Variants in VAC14 observed in about 807,000 individuals in gnomAD.
The protein encoded by VAC14 is VAC14 component of PIKFYVE complex.
A neutral mutation model predicts 85.3 loss-of-function variants in VAC14; 47 were observed. The ratio of observed to expected loss-of-function variants is 0.55; its 90% confidence interval spans 0.44 to 0.70. The LOEUF is 0.70. Among genes scored for constraint, VAC14 ranks in the 30% least tolerant of loss-of-function variants. VAC14 has a pLI of 0.00. For synonymous variants in VAC14, 447 were observed against 430.5 expected (o/e 1.04, Z -0.47); for missense variants, 861 against 1,004.3 (o/e 0.86, Z 1.93).
intron 12 of VAC14, among the ~76,000 whole-genome samples, chr16:70,748,081 A>C (rs1414481489): frequency 6.6e-6 from 1 of 152,208 alleles, no homozygotes; most frequent in African/African-American, 2.4e-5. Context: ...AGACTTGGAC[A>C]GTCACCTGCT....
At chr16:70,780,663 A>G in intron 9 of VAC14, 127 bp downstream of exon 9, 1 of 1,199,264 alleles carries the variant, frequency 8.3e-7, no homozygotes, top group Non-Finnish European at 1.2e-6. Flanking sequence ...GGTTGCTGCT[A>G]CAATTGTGTG....
intron 12 of VAC14, among the ~76,000 whole-genome samples, chr16:70,751,103 C>T (rs1207354790): frequency 2.0e-5 from 3 of 152,154 alleles, no homozygotes; most frequent in Non-Finnish European, 4.4e-5. Flanking sequence ...ACGGAGAGGC[C>T]GCCCACTTCA....
intron 10 of VAC14, 128 bp from the exon 11 acceptor site, chr16:70,763,153 G>C: frequency 8.1e-6 from 11 of 1,364,910 alleles, no homozygotes; most frequent in Non-Finnish European, 1.1e-5. Context: ...AGGGGGATCG[G>C]GGGTCAGGGA....
chr16:70,797,310 G>A (rs529374555), intron 1 of VAC14, among the ~76,000 whole-genome samples: 1 of 152,176 alleles, frequency 6.6e-6, no homozygotes, highest in African/African-American at 2.4e-5. Flanking sequence ...GACTCTTCTG[G>A]TTAGGGTTAC....
At chr16:70,755,711 ACG>A (rs1377106969) in intron 12 of VAC14, among the ~76,000 whole-genome samples, 1 of 152,106 alleles carries the variant, frequency 6.6e-6, no homozygotes, top group Non-Finnish European at 1.5e-5. Context: ...ATGACCCACC[ACG>A]GTTCCTAAAG....
chr16:70,694,141 TCTC>T (rs1315907407), intron 17 of VAC14, among the ~76,000 whole-genome samples: 2 of 152,234 alleles, frequency 1.3e-5, no homozygotes, highest in Non-Finnish European at 2.9e-5. Context: ...AGGGTGTGTC[TCTC>T]CTGTTACCCT....
intron 12 of VAC14, among the ~76,000 whole-genome samples, chr16:70,760,552 T>TCAACTGTCCC (rs11281381): frequency 0.27 from 40,458 of 151,696 alleles, 8,239 homozygotes; most frequent in African/African-American, 0.58. Flanking sequence ...ATGGTACCCC[T>TCAACTGTCCC]CAACTGTCCC....
At chr16:70,788,696 A>G (rs531429208) in intron 1 of VAC14, among the ~76,000 whole-genome samples, 155 of 152,336 alleles carry the variant, frequency 1.0e-3, no homozygotes, top group Non-Finnish European at 1.9e-3. Context: ...CAGCTGGAGC[A>G]TTGGTGGTTC....
intron 9 of VAC14, among the ~76,000 whole-genome samples, chr16:70,776,919 T>C (rs2033549636): frequency 1.3e-5 from 2 of 151,898 alleles, no homozygotes; most frequent in Admixed American, 6.6e-5. Context: ...GCAATTCTCC[T>C]GCCTCAGCCT....
At chr16:70,757,428 C>G (rs1233910365) in intron 12 of VAC14, among the ~76,000 whole-genome samples, 3 of 152,174 alleles carry the variant, frequency 2.0e-5, no homozygotes, top group African/African-American at 7.2e-5. Flanking sequence ...CTGAATGCAG[C>G]CTTGCTCCTG....
At chr16:70,796,713 C>G (rs1260420783) in intron 1 of VAC14, among the ~76,000 whole-genome samples, 1 of 152,200 alleles carries the variant, frequency 6.6e-6, no homozygotes, top group Non-Finnish European at 1.5e-5. Context: ...ATCCTCCCAA[C>G]CATCCAAAAT....
At chr16:70,752,078 TA>T (rs1007672836) in intron 12 of VAC14, among the ~76,000 whole-genome samples, 1 of 151,704 alleles carries the variant, frequency 6.6e-6, no homozygotes, top group Non-Finnish European at 1.5e-5. Context: ...AAAAGCAACC[TA>T]AAAAAAAATC....
intron 14 of VAC14, among the ~76,000 whole-genome samples, chr16:70,703,868 G>A (rs2053874790): frequency 6.6e-6 from 1 of 152,188 alleles, no homozygotes; most frequent in Non-Finnish European, 1.5e-5. Context: ...ATTCCCTTTG[G>A]GGCAGCCTCC....
chr16:70,692,935 G>A lies in VAC14; in HGVS notation c.2072C>T (p.Pro691Leu). The A allele has an allele frequency of 6.2e-7, 1 of 1,611,470 alleles. No individual in the cohort carries two copies. The highest frequency in any genetic ancestry group is 8.5e-7 in the Non-Finnish European group (1 of 1,179,576). ...GCCGTAGAGGGCCTTGATCAGGTAG[G>A]GGTTGTTCTTCACGTCCAGCAGCTG... Reference protein sequence around the residue: ...RLQLLDVKNNPYLIKALYGLL... With the variant: ...RLQLLDVKNNLYLIKALYGLL... Residue 691 changes from proline to leucine, a missense_variant, in exon 18 of 19, where the codon CCC becomes CTC. This residue lies in a region of VAC14 where 163 missense variants were observed against 162.2 expected (regional missense o/e 1.00). Coordinates refer to ENST00000261776, the MANE Select transcript of VAC14 (RefSeq NM_018052.5).
intron 13 of VAC14, among the ~76,000 whole-genome samples, chr16:70,738,085 G>A (rs907162393): frequency 1.3e-5 from 2 of 152,230 alleles, no homozygotes; most frequent in East Asian, 3.9e-4. Context: ...AGAGCATCAA[G>A]TCGTGCTTGG....
At chr16:70,756,907 T>G (rs546239928) in intron 12 of VAC14, among the ~76,000 whole-genome samples, 1 of 152,216 alleles carries the variant, frequency 6.6e-6, no homozygotes, top group African/African-American at 2.4e-5. Context: ...ATGCAGTGAG[T>G]GGGTTCCCAA....
intron 9 of VAC14, among the ~76,000 whole-genome samples, chr16:70,780,538 G>A (rs2033758442): frequency 6.6e-6 from 1 of 152,246 alleles, no homozygotes; most frequent in Admixed American, 6.5e-5. Context: ...GAGACAGCCT[G>A]CCTGGGTTCC....
At chr16:70,693,123 T>TG in intron 17 of VAC14, 152 bp from the exon 18 acceptor site, 1 of 1,055,820 alleles carries the variant, frequency 9.5e-7, no homozygotes, top group Non-Finnish European at 1.3e-6. Context: ...CCCAGCCAGG[T>TG]GGCTGTGGCT....
chr16:70,772,182 G>A lies in VAC14; in HGVS notation c.1097-10C>T. On this transcript the variant is annotated splice_polypyrimidine_tract_variant and intron_variant, in intron 9 of 18. Coordinates refer to ENST00000261776, the MANE Select transcript of VAC14 (RefSeq NM_018052.5). ...GAACCATCTGGACCTCCTGGGAGAG[G>A]AAGAGGAACAAGGGGTCATGAAAGG... 1 of 1,613,740 alleles carries A rather than the reference G, an allele frequency of 6.2e-7. No individual in the cohort carries two copies. The highest frequency in any genetic ancestry group is 8.5e-7 in the Non-Finnish European group (1 of 1,179,770).
Sources: allele counts gnomAD v4.1 joint callset (sites outside exome capture counted in the v4.1 genomes callset), GRCh38; gene constraint gnomAD v4.1.1; regional missense constraint gnomAD v4.1.1; transcripts MANE v1.5; gene names NCBI Gene and HGNC (gene_info 2026-07-23, HGNC 2026-07-21).